Variants in PTPRT observed in about 807,000 individuals in gnomAD.
PTPRT encodes protein tyrosine phosphatase receptor type T.
PTPRT carries 56 observed loss-of-function variants against 176.8 expected under a neutral mutation model. The ratio of observed to expected loss-of-function variants is 0.32; its 90% CI spans 0.26 to 0.40. The LOEUF (loss-of-function observed/expected upper bound fraction) is 0.40. Among genes scored for constraint, PTPRT ranks in the 10% least tolerant of loss-of-function variants. The pLI, the probability that PTPRT is intolerant of heterozygous loss-of-function variation, is 1.00. For missense variants in PTPRT, 1,540 were observed against 1,908.2 expected (o/e 0.81, Z 3.60); for synonymous variants, 783 against 739.0 (o/e 1.06, Z -0.96).
chr20:42,504,223 G>A (rs1228057305), intron 7 of PTPRT, among the ~76,000 whole-genome samples: 1 of 151,966 alleles, frequency 6.6e-6, no homozygotes, highest in Non-Finnish European at 1.5e-5. Flanking sequence ...CTAATTATGT[G>A]TGGGCCCAAA....
At chr20:42,199,979 AACTATT>A (rs1388625744) in intron 15 of PTPRT, among the ~76,000 whole-genome samples, 1 of 152,092 alleles carries the variant, frequency 6.6e-6, no homozygotes, top group Non-Finnish European at 1.5e-5. Flanking sequence ...ATCATAATAT[AACTATT>A]ATGATAATAA....
At chr20:42,126,705 A>G (rs529619796) in intron 19 of PTPRT, among the ~76,000 whole-genome samples, 1 of 152,268 alleles carries the variant, frequency 6.6e-6, no homozygotes, top group South Asian at 2.1e-4. Flanking sequence ...CCCTCACCAG[A>G]TTTGAGTCCC....
chr20:42,271,499 G>T (rs567634124), intron 13 of PTPRT, among the ~76,000 whole-genome samples: 1 of 152,244 alleles, frequency 6.6e-6, no homozygotes, highest in African/African-American at 2.4e-5. Context: ...TCTTAAATCT[G>T]TAGTCTCCTT....
At chr20:42,284,110 C>A (rs1167792283) in intron 12 of PTPRT, among the ~76,000 whole-genome samples, 1 of 152,004 alleles carries the variant, frequency 6.6e-6, no homozygotes, top group Non-Finnish European at 1.5e-5. Context: ...GCTGCTCATT[C>A]TAGGACAAAC....
chr20:42,966,451 T>G (rs1199480693), intron 1 of PTPRT: 1 of 152,188 alleles, frequency 6.6e-6, no homozygotes, highest in Non-Finnish European at 1.5e-5. Flanking sequence ...ATACACTATG[T>G]CACACGAGCT....
At chr20:42,236,546 A>G (rs2056246837) in intron 14 of PTPRT, among the ~76,000 whole-genome samples, 1 of 152,040 alleles carries the variant, frequency 6.6e-6, no homozygotes, top group Admixed American at 6.5e-5. Context: ...TAGTTGGTTC[A>G]AAGTTCTTCC....
chr20:42,455,178 T>G (rs1298722979), intron 8 of PTPRT, among the ~76,000 whole-genome samples: 1 of 152,198 alleles, frequency 6.6e-6, no homozygotes, highest in Non-Finnish European at 1.5e-5. Flanking sequence ...TAAGTAAAAG[T>G]GAAATTGAAA....
At chr20:42,968,595 A>G (rs1031922090) in intron 1 of PTPRT, 9 of 152,254 alleles carry the variant, frequency 5.9e-5, no homozygotes, top group Non-Finnish European at 1.2e-4. Context: ...CACTGAAGGC[A>G]AATGCATCAT....
chr20:42,359,640 T>C (rs942224647), intron 9 of PTPRT, among the ~76,000 whole-genome samples: 8 of 152,194 alleles, frequency 5.3e-5, no homozygotes, highest in African/African-American at 1.9e-4. Flanking sequence ...TGAAGCTCTA[T>C]TTTGTACCCT....
Position 42,350,600 on chromosome 20 carries a change from C to T in PTPRT, c.1865+28G>A, listed in dbSNP as rs766433430. 9 of 1,537,526 alleles carry T rather than the reference C, an allele frequency of 5.9e-6. No homozygotes were observed. In the East Asian group the frequency reaches 2.0e-4, roughly 35 times the overall value. On this transcript the variant is annotated intron_variant, in intron 11 of 30. Transcript: ENST00000373187. ...CATGTGGCACAGAGAAGAAAAACTG[C>T]AGACTCCAAGTGAAGAACCATCCTC...
At chr20:42,248,844 T>C (rs1433344314) in intron 13 of PTPRT, 22 bp from the exon 14 acceptor site, 3 of 1,611,080 alleles carry the variant, frequency 1.9e-6, no homozygotes, top group Non-Finnish European at 2.5e-6. Context: ...AAGGGAAGGA[T>C]AGCAATGTTG....
intron 1 of PTPRT, among the ~76,000 whole-genome samples, chr20:42,994,302 T>C (rs1290382430): frequency 6.6e-6 from 1 of 152,204 alleles, no homozygotes; most frequent in African/African-American, 2.4e-5. Flanking sequence ...CCTTCCAGGC[T>C]GAACTCAGAG....
At chr20:42,782,377 C>G (rs1262782014) in intron 3 of PTPRT, among the ~76,000 whole-genome samples, 1 of 152,184 alleles carries the variant, frequency 6.6e-6, no homozygotes, top group African/African-American at 2.4e-5. Context: ...TCTTAGGTGT[C>G]CAGGTCACAG....
At chr20:42,620,957 G>A (rs1450427505) in intron 7 of PTPRT, among the ~76,000 whole-genome samples, 4 of 152,142 alleles carry the variant, frequency 2.6e-5, no homozygotes, top group South Asian at 2.1e-4. Flanking sequence ...GGCCATCTTG[G>A]CTCCTCCCCC....
intron 21 of PTPRT, among the ~76,000 whole-genome samples, chr20:42,118,146 G>T (rs549580753): frequency 6.6e-6 from 1 of 152,180 alleles, no homozygotes. Context: ...GGGAGTGAAC[G>T]ACTGATGGTT....
At chr20:42,336,431 G>A (rs888902028) in intron 11 of PTPRT, among the ~76,000 whole-genome samples, 3 of 152,172 alleles carry the variant, frequency 2.0e-5, no homozygotes, top group Non-Finnish European at 2.9e-5. Context: ...AGGACTGGGG[G>A]AGGGGGGGTT....
At chr20:42,258,897 T>C (rs1211372799) in intron 13 of PTPRT, among the ~76,000 whole-genome samples, 1 of 152,218 alleles carries the variant, frequency 6.6e-6, no homozygotes, top group Non-Finnish European at 1.5e-5. Flanking sequence ...ATAAGTACTG[T>C]TAAATGCAAA....
At chr20:42,593,433 A>G (rs1480770607) in intron 7 of PTPRT, among the ~76,000 whole-genome samples, 1 of 152,152 alleles carries the variant, frequency 6.6e-6, no homozygotes, top group Non-Finnish European at 1.5e-5. Context: ...TTGCCTTCTT[A>G]ATAGATGTGT....
intron 1 of PTPRT, among the ~76,000 whole-genome samples, chr20:43,107,586 G>A (rs1326660461): frequency 6.6e-6 from 1 of 152,142 alleles, no homozygotes; most frequent in Non-Finnish European, 1.5e-5. Flanking sequence ...GTCTCAATAG[G>A]CAGATGGAGT....
Sources: allele counts gnomAD v4.1 joint callset (sites outside exome capture counted in the v4.1 genomes callset), GRCh38; gene constraint gnomAD v4.1.1; transcripts MANE v1.5; gene names NCBI Gene and HGNC (gene_info 2026-07-23, HGNC 2026-07-21).